CYTH1: variants seen among roughly 807,000 people sequenced by gnomAD.
CYTH1 encodes the protein cytohesin-1.
CYTH1 carries 18 observed loss-of-function variants against 61.8 expected under a neutral mutation model. That is an observed-to-expected ratio of 0.29 (90% CI 0.20 to 0.43). CYTH1 has a LOEUF of 0.43. Among genes scored for constraint, CYTH1 ranks in the 20% least tolerant of loss-of-function variants. CYTH1 has a pLI of 1.00. For missense variants in CYTH1, 336 were observed against 510.5 expected, an observed-to-expected ratio of 0.66 and a Z score of 3.29; for synonymous variants, 174 against 184.3, an observed-to-expected ratio of 0.94 and a Z score of 0.45.
intron 11 of CYTH1, among the ~76,000 whole-genome samples, chr17:78,689,643 GGTTGAGGACCCCT>G (rs886087650): frequency 2.0e-5 from 3 of 152,192 alleles, no homozygotes; most frequent in African/African-American, 7.2e-5. Context: ...TATGGCCTGA[GGTTGAGGACCCCT>G]GTATTTGGGG....
intron 1 of CYTH1, among the ~76,000 whole-genome samples, chr17:78,776,406 C>T (rs1009038552): frequency 1.3e-5 from 2 of 152,054 alleles, no homozygotes; most frequent in Non-Finnish European, 2.9e-5. Context: ...CCTGTAATCC[C>T]GGCACTTTGG....
chr17:78,726,628 C>G (rs1294248134), intron 1 of CYTH1, among the ~76,000 whole-genome samples: 1 of 151,910 alleles, frequency 6.6e-6, no homozygotes, highest in Non-Finnish European at 1.5e-5. Context: ...AGAGGGCAGT[C>G]CAGGCAGAGG....
intron 3 of CYTH1, 150 bp downstream of exon 3, chr17:78,708,047 G>A: frequency 2.7e-6 from 2 of 733,772 alleles, no homozygotes; most frequent in Non-Finnish European, 2.3e-6. Context: ...AAGGATGGAA[G>A]GCAGACATTA....
chr17:78,719,589 T>A (rs1228473037), intron 1 of CYTH1, among the ~76,000 whole-genome samples: 1 of 152,206 alleles, frequency 6.6e-6, no homozygotes, highest in Non-Finnish European at 1.5e-5. Context: ...TGGGGTCAGA[T>A]CTTTAAGGCA....
intron 11 of CYTH1, 81 bp downstream of exon 11, chr17:78,692,336 C>G: frequency 6.9e-7 from 1 of 1,441,290 alleles, no homozygotes; most frequent in Non-Finnish European, 9.8e-7. Flanking sequence ...CAACGGTCTC[C>G]TCAACCATGT....
At chr17:78,705,224 C>T (rs144377026) in intron 3 of CYTH1, among the ~76,000 whole-genome samples, 8 of 152,264 alleles carry the variant, frequency 5.3e-5, no homozygotes, top group Admixed American at 6.5e-5. Flanking sequence ...GCCACCAGAA[C>T]GCACACTCCC....
chr17:78,745,495 A>C (rs949044574), intron 1 of CYTH1, among the ~76,000 whole-genome samples: 2 of 152,212 alleles, frequency 1.3e-5, no homozygotes, highest in African/African-American at 4.8e-5. Context: ...AACGCCCTTT[A>C]AAATAAAGTC....
At chr17:78,773,923 CCAT>C (rs1487484063) in intron 1 of CYTH1, among the ~76,000 whole-genome samples, 6 of 152,118 alleles carry the variant, frequency 3.9e-5, no homozygotes, top group African/African-American at 1.4e-4. Context: ...AGTAAATAAA[CCAT>C]CATTTCTTAT....
intron 11 of CYTH1, chr17:78,691,327 T>C (rs1217333953): frequency 6.6e-6 from 1 of 152,232 alleles, no homozygotes; most frequent in Admixed American, 6.5e-5. Context: ...ATGATGTCCA[T>C]GGGGATGGAG....
rs143893639 is a variant in CYTH1 at position 78,763,999 on chromosome 17, T to G, written c.22+18203A>C. On this transcript the variant is annotated intron_variant, in intron 1 of 13. Transcript: ENST00000446868. The stretch of plus-strand genomic sequence containing the variant: ...AGTGGTGTGCGCCTGCAGTCCCAGC[T>G]ACTCGGGAGGCTCAGGCAGGAGAAT... Among the ~76,000 whole-genome samples, 266 of 151,978 alleles carry G rather than the reference T, an allele frequency of 1.8e-3. 6 individuals carry two copies. In the East Asian group the frequency reaches 0.048, roughly 27 times the overall value.
At chr17:78,686,090 G>A (rs1369956899) in intron 11 of CYTH1, among the ~76,000 whole-genome samples, 1 of 152,126 alleles carries the variant, frequency 6.6e-6, no homozygotes, top group African/African-American at 2.4e-5. Context: ...CTTTGATTCT[G>A]CAGACACCAA....
intron 11 of CYTH1, among the ~76,000 whole-genome samples, chr17:78,683,574 TG>T (rs1234510483): frequency 2.0e-5 from 3 of 152,148 alleles, no homozygotes; most frequent in African/African-American, 2.4e-5. Context: ...GAGGAGAAGC[TG>T]GGGGTGGGAG....
At chr17:78,688,218 CACAAA>C (rs982485862) in intron 11 of CYTH1, among the ~76,000 whole-genome samples, 1 of 152,136 alleles carries the variant, frequency 6.6e-6, no homozygotes, top group African/African-American at 2.4e-5. Context: ...CATATAACAC[CACAAA>C]ACAAAACAGT....
chr17:78,747,145 C>CAAAAAAAAAAAAAA (rs56201341), intron 1 of CYTH1, among the ~76,000 whole-genome samples: 35 of 57,818 alleles, frequency 6.1e-4, no homozygotes, highest in African/African-American at 6.6e-4. Flanking sequence ...ATGGCAGCGC[C>CAAAAAAAAAAAAAA]AAAAAAAAAA....
intron 1 of CYTH1, among the ~76,000 whole-genome samples, chr17:78,762,296 C>CT (rs1014572581): frequency 1.1e-4 from 17 of 152,154 alleles, no homozygotes; most frequent in Admixed American, 3.3e-4. Context: ...GAAAGGGCGG[C>CT]TTTTTTGCAC....
chr17:78,743,457 G>A (rs895791539), intron 1 of CYTH1, among the ~76,000 whole-genome samples: 1 of 152,088 alleles, frequency 6.6e-6, no homozygotes. Context: ...AATCCTAAAC[G>A]TTGTGAGTGC....
At position 78,743,665 on chromosome 17, in the gene CYTH1, C is replaced by A. The variant is rs562982427; in HGVS notation, c.23-33933G>T. 7.9e-5 allele frequency among the ~76,000 whole-genome samples: 12 copies of A among 152,326 alleles called. No individual in the cohort carries two copies. In the South Asian group the frequency reaches 2.5e-3, roughly 32 times the overall value. ...TTTTGATAGCAGCCTATTCTTGTTTCATTCATTTAATATCTGAGACTCTTA... is the reference window on the plus strand; with the variant it reads ...TTTTGATAGCAGCCTATTCTTGTTTAATTCATTTAATATCTGAGACTCTTA... On this transcript the variant is annotated intron_variant, in intron 1 of 13. Coordinates refer to ENST00000446868, the MANE Select transcript of CYTH1 (RefSeq NM_004762.6).
At chr17:78,737,915 C>T (rs1598897876) in intron 1 of CYTH1, among the ~76,000 whole-genome samples, 4 of 151,556 alleles carry the variant, frequency 2.6e-5, no homozygotes, top group African/African-American at 7.3e-5. Context: ...TTTTATATGT[C>T]GTTTTATAGC....
chr17:78,741,939 G>C (rs1414219503), intron 1 of CYTH1, among the ~76,000 whole-genome samples: 1 of 152,184 alleles, frequency 6.6e-6, no homozygotes, highest in African/African-American at 2.4e-5. Flanking sequence ...AAGGAATTTG[G>C]AAACATGAAA....
Sources: gnomAD v4.1 joint callset for allele counts (sites outside exome capture counted in the v4.1 genomes callset) on GRCh38, gnomAD v4.1.1 for gene constraint, MANE v1.5 for transcripts, NCBI Gene and HGNC (gene_info 2026-07-23, HGNC 2026-07-21) for gene names.